The following CTNNA3 variants were observed in gnomAD, a reference collection of about 807,000 sequenced individuals.
CTNNA3 encodes catenin alpha 3.
In CTNNA3, 76 loss-of-function variants were observed where a neutral mutation model predicts 95.7. That is an observed-to-expected ratio of 0.79 (90% CI 0.66 to 0.96). The LOEUF is 0.96. CTNNA3 is among the 40% of genes least tolerant of loss of function. The probability of loss-of-function intolerance (pLI) is 0.00; values close to 1 mark genes in which losing one functional copy is unlikely to be tolerated. For synonymous variants in CTNNA3, 431 were observed against 374.4 expected, an observed-to-expected ratio of 1.15 and a Z score of -1.74; for missense variants, 1,191 against 1,089.8, an observed-to-expected ratio of 1.09 and a Z score of -1.31.
chr10:67,255,818 G>A (rs1186086307), intron 5 of CTNNA3, among the ~76,000 whole-genome samples: 3 of 151,944 alleles, frequency 2.0e-5, no homozygotes, highest in Non-Finnish European at 2.9e-5. Context: ...ATTATATTGT[G>A]CTCATTACAT....
upstream of CTNNA3, among the ~76,000 whole-genome samples, chr10:67,701,062 G>T (rs377157642): frequency 6.6e-6 from 1 of 152,226 alleles, no homozygotes; most frequent in South Asian, 2.1e-4. Flanking sequence ...GAAGGGAGAA[G>T]GGAAGTTTAG....
chr10:66,265,092 C>G (rs933564031), intron 13 of CTNNA3, among the ~76,000 whole-genome samples: 1 of 152,008 alleles, frequency 6.6e-6, no homozygotes, highest in African/African-American at 2.4e-5. Flanking sequence ...CCAGTTCTCT[C>G]TCTTGCAAGA....
chr10:66,013,251 A>G (rs571115058), intron 15 of CTNNA3, among the ~76,000 whole-genome samples: 50 of 152,294 alleles, frequency 3.3e-4, no homozygotes, highest in Middle Eastern at 3.4e-3. Flanking sequence ...CATGAAATAC[A>G]ATCCTAAAGG....
At chr10:67,026,867 T>C (rs1853423775) in intron 7 of CTNNA3, among the ~76,000 whole-genome samples, 1 of 152,210 alleles carries the variant, frequency 6.6e-6, no homozygotes, top group South Asian at 2.1e-4. Flanking sequence ...CTTATTTTCC[T>C]CATATATCTC....
At chr10:67,478,456 C>G (rs1316040051) in intron 5 of CTNNA3, among the ~76,000 whole-genome samples, 1 of 152,070 alleles carries the variant, frequency 6.6e-6, no homozygotes, top group Non-Finnish European at 1.5e-5. Context: ...ATTTGTAAGC[C>G]AGGAGAGATT....
At chr10:66,338,957 A>C (rs144166199) in intron 12 of CTNNA3, among the ~76,000 whole-genome samples, 53 of 152,064 alleles carry the variant, frequency 3.5e-4, no homozygotes, top group African/African-American at 1.2e-3. Context: ...AAATTCTTTA[A>C]GAAAAATAGT....
rs2077206655 is a variant in CTNNA3 at position 65,928,877 on chromosome 10, C to A, written c.2401-8260G>T. 2.6e-5 allele frequency among the ~76,000 whole-genome samples: 4 copies of A among 152,232 alleles called. No homozygotes were observed. In the South Asian group the frequency reaches 8.3e-4, roughly 32 times the overall value. On this transcript the variant is annotated intron_variant, in intron 17 of 17. Coordinates refer to ENST00000433211, the MANE Select transcript of CTNNA3 (RefSeq NM_013266.4). The stretch of plus-strand genomic sequence containing the variant: ...AATTCCCACTTTTAGATTATTATTT[C>A]TCTTTTTTTTATTATACTTTAAAGT...
chr10:67,426,499 C>G (rs767490558), intron 5 of CTNNA3, among the ~76,000 whole-genome samples: 8 of 151,992 alleles, frequency 5.3e-5, no homozygotes, highest in Non-Finnish European at 1.2e-4. Flanking sequence ...AGTTCATGTC[C>G]TTTGCAGGGA....
At chr10:67,168,127 C>T (rs1049147299) in intron 7 of CTNNA3, among the ~76,000 whole-genome samples, 2 of 152,068 alleles carry the variant, frequency 1.3e-5, no homozygotes, top group African/African-American at 4.8e-5. Context: ...CAGAGTGAGA[C>T]TCCATCTCAA....
At chr10:67,245,213 A>G (rs1865861885) in intron 5 of CTNNA3, among the ~76,000 whole-genome samples, 1 of 152,104 alleles carries the variant, frequency 6.6e-6, no homozygotes, top group Non-Finnish European at 1.5e-5. Flanking sequence ...TTCTAGATCC[A>G]TGACTCCCTA....
intron 5 of CTNNA3, among the ~76,000 whole-genome samples, chr10:67,348,569 G>A (rs1028355418): frequency 6.6e-6 from 1 of 152,120 alleles, no homozygotes; most frequent in African/African-American, 2.4e-5. Flanking sequence ...GGGAAAGGGG[G>A]AGCCTGCGTT....
chr10:66,847,655 A>G (rs531125786), intron 7 of CTNNA3, among the ~76,000 whole-genome samples: 1 of 152,250 alleles, frequency 6.6e-6, no homozygotes, highest in African/African-American at 2.4e-5. Context: ...GTCTAATAAC[A>G]AATATATTTA....
intron 15 of CTNNA3, among the ~76,000 whole-genome samples, chr10:65,995,373 T>C (rs1176481010): frequency 6.6e-6 from 1 of 152,210 alleles, no homozygotes; most frequent in East Asian, 1.9e-4. Context: ...TGATTCTGGG[T>C]GCATGCAGTA....
At chr10:67,579,279 CA>C (rs1490578194) in intron 3 of CTNNA3, among the ~76,000 whole-genome samples, 1 of 145,570 alleles carries the variant, frequency 6.9e-6, no homozygotes, top group Non-Finnish European at 1.5e-5. Context: ...GTTCAATTCC[CA>C]CCTATGAGTG....
intron 7 of CTNNA3, among the ~76,000 whole-genome samples, chr10:66,950,382 T>C (rs1848480746): frequency 1.3e-5 from 2 of 152,100 alleles, no homozygotes; most frequent in Non-Finnish European, 2.9e-5. Flanking sequence ...ATCCTAAACA[T>C]GCTTAAGGCA....
intron 7 of CTNNA3, among the ~76,000 whole-genome samples, chr10:66,950,917 A>G (rs920772755): frequency 1.3e-5 from 2 of 152,124 alleles, no homozygotes; most frequent in African/African-American, 4.8e-5. Context: ...CAGAATTTGA[A>G]TTCTGATCTG....
Position 65,949,236 on chromosome 10 carries a change from G to C in CTNNA3, c.2400+17376C>G, listed in dbSNP as rs140006692. Among the ~76,000 whole-genome samples, 78 of 152,258 alleles carry C rather than the reference G, an allele frequency of 5.1e-4. 1 individual carries two copies. Among genetic ancestry groups the C allele is most frequent in the African/African-American group, 1.8e-3 (76 of 41,558 alleles). ...AGCATGGAATGACACAAAGAGCTCTGAAAATAAAGCCCAAATTCACATTTT... is the reference window on the plus strand; with the variant it reads ...AGCATGGAATGACACAAAGAGCTCTCAAAATAAAGCCCAAATTCACATTTT... On this transcript the variant is annotated intron_variant, in intron 17 of 17. Transcript: ENST00000433211.
At chr10:67,661,938 C>T (rs982146047) in intron 1 of CTNNA3, among the ~76,000 whole-genome samples, 2 of 152,124 alleles carry the variant, frequency 1.3e-5, no homozygotes, top group African/African-American at 4.8e-5. Flanking sequence ...CTAGCAAAAA[C>T]GTAAACTGGT....
chr10:67,256,884 A>G (rs1469088030), intron 5 of CTNNA3, among the ~76,000 whole-genome samples: 3 of 152,186 alleles, frequency 2.0e-5, no homozygotes, highest in Non-Finnish European at 4.4e-5. Flanking sequence ...TTAGAACAAA[A>G]TCAATTTAAA....
Sources: gnomAD v4.1 joint callset for allele counts (sites outside exome capture counted in the v4.1 genomes callset) on GRCh38, gnomAD v4.1.1 for gene constraint, MANE v1.5 for transcripts, NCBI Gene and HGNC (gene_info 2026-07-23, HGNC 2026-07-21) for gene names.